SMARCA2: variants seen among roughly 807,000 people sequenced by gnomAD.
The protein encoded by SMARCA2 is SWI/SNF related BAF chromatin remodeling complex subunit ATPase 2.
SMARCA2 carries 61 observed loss-of-function variants against 199.8 expected under a neutral mutation model. The ratio of observed to expected loss-of-function variants is 0.31; its 90% CI spans 0.25 to 0.38. The LOEUF (loss-of-function observed/expected upper bound fraction) is 0.38, where lower values mean the gene tolerates loss of function less well. Among genes scored for constraint, SMARCA2 ranks in the 10% least tolerant of loss-of-function variants. SMARCA2 has a pLI of 1.00. For missense variants in SMARCA2, 1,344 were observed against 2,012.2 expected (o/e 0.67, Z 6.35); for synonymous variants, 935 against 732.0 (o/e 1.28, Z -4.48).
At chr9:2,141,851 C>T (rs1232392067) in intron 27 of SMARCA2, among the ~76,000 whole-genome samples, 1 of 152,172 alleles carries the variant, frequency 6.6e-6, no homozygotes, top group African/African-American at 2.4e-5. Flanking sequence ...GAGCTGATCT[C>T]CTGGCTTGTG....
rs1005406396 is a variant in SMARCA2, at chr9:2,115,341, A to G, written c.3457-481A>G. ...CTACCTGAGCAGTCAGTGTGTGTGT[A>G]TGTGTGTGTGTGGTAAGATGTATGT... On this transcript the variant is annotated intron_variant, in intron 24 of 33. Transcript: ENST00000349721. The surrounding 1 kb of genome is among the most constrained non-coding windows in gnomAD (Gnocchi z 6.0). Among the ~76,000 whole-genome samples, 3 of 151,982 alleles carry G rather than the reference A, an allele frequency of 2.0e-5. No homozygotes were observed. Among genetic ancestry groups the G allele is most frequent in the Non-Finnish European group, 2.9e-5 (2 of 67,966 alleles).
chr9:2,032,914 T>C, intron 2 of SMARCA2, 38 bp from the exon 3 acceptor site: 1 of 1,597,914 alleles, frequency 6.3e-7, no homozygotes, highest in Non-Finnish European at 8.6e-7. Flanking sequence ...TATTTTACCT[T>C]ATAGAGGTGT....
At chr9:2,191,201 A>G in intron 32 of SMARCA2, 65 bp from the exon 33 acceptor site, 1 of 1,498,096 alleles carries the variant, frequency 6.7e-7, no homozygotes. Context: ...TGATAGTCTT[A>G]CCACCTATAC....
At position 2,039,951 on chromosome 9, in the gene SMARCA2, CAA is replaced by C. The variant is rs762891039; in HGVS notation, c.790+53_790+54del. The C allele has an allele frequency of 2.5e-6, 4 of 1,596,614 alleles. No individual in the cohort carries two copies. Among genetic ancestry groups the C allele is most frequent in the Non-Finnish European group, 3.4e-6 (4 of 1,171,730 alleles). On this transcript the variant is annotated intron_variant, in intron 4 of 33. Coordinates refer to ENST00000349721, the MANE Select transcript of SMARCA2 (RefSeq NM_003070.5). This position sits in a 1 kb window ranked among gnomAD's most constrained non-coding sequence, Gnocchi z 4.8. ...TAATGCCATGGTCCAACTCGGATAA[CAA>C]AGACTGCTCACCAAAACACCGGGTT...
At chr9:2,132,162 G>A (rs1033950358) in intron 27 of SMARCA2, among the ~76,000 whole-genome samples, 1 of 152,098 alleles carries the variant, frequency 6.6e-6, no homozygotes, top group African/African-American at 2.4e-5. Context: ...CAAAAAACTG[G>A]GGAAAATACG....
In SMARCA2 at chr9:2,073,195, T is replaced by C; in HGVS notation, c.1747-17T>C. On this transcript the variant is annotated splice_polypyrimidine_tract_variant and intron_variant, in intron 10 of 33. Transcript: ENST00000349721. ...GTCTTAACATGAAACCGTGACATGA[T>C]TTTCCCTCCTTTGTAGCCCATAGAT... 1 of 1,613,782 alleles carries C rather than the reference T, an allele frequency of 6.2e-7. No individual in the cohort carries two copies. Among genetic ancestry groups the C allele is most frequent in the African/African-American group, 1.3e-5 (1 of 75,018 alleles).
At chr9:2,059,423 C>T (rs1820489256) in intron 8 of SMARCA2, among the ~76,000 whole-genome samples, 2 of 152,180 alleles carry the variant, frequency 1.3e-5, no homozygotes, top group Admixed American at 1.3e-4. Context: ...TCCTGCCTCC[C>T]TCTCCATACC....
intron 15 of SMARCA2, among the ~76,000 whole-genome samples, chr9:2,082,201 A>G (rs1459823690): frequency 6.6e-6 from 1 of 151,968 alleles, no homozygotes; most frequent in African/African-American, 2.4e-5. Context: ...TAAGCACGGG[A>G]CCGAGTGATT....
chr9:2,136,643 T>C (rs1487870305), intron 27 of SMARCA2, among the ~76,000 whole-genome samples: 1 of 152,082 alleles, frequency 6.6e-6, no homozygotes, highest in Non-Finnish European at 1.5e-5. Flanking sequence ...TTGGATTCCT[T>C]ACAGTCATGG....
At chr9:2,147,546 G>C (rs1424972104) in intron 27 of SMARCA2, among the ~76,000 whole-genome samples, 1 of 152,152 alleles carries the variant, frequency 6.6e-6, no homozygotes, top group African/African-American at 2.4e-5. Flanking sequence ...GTTTCACTTA[G>C]GATTTCCAGT....
intron 14 of SMARCA2, 72 bp downstream of exon 14, chr9:2,077,848 C>A: frequency 7.3e-7 from 1 of 1,369,980 alleles, no homozygotes; most frequent in Non-Finnish European, 1.0e-6. Flanking sequence ...GTATGTCGTG[C>A]ACATGTTGAC....
At chr9:2,052,365 A>C (rs958701494) in intron 5 of SMARCA2, among the ~76,000 whole-genome samples, 1 of 152,122 alleles carries the variant, frequency 6.6e-6, no homozygotes, top group African/African-American at 2.4e-5. Context: ...CCCCAGCTAC[A>C]TGGGAGGCTG....
chr9:2,046,390 T>G (rs1000264350), intron 4 of SMARCA2, among the ~76,000 whole-genome samples: 1 of 152,238 alleles, frequency 6.6e-6, no homozygotes, highest in Non-Finnish European at 1.5e-5. Flanking sequence ...TCTGGTAACA[T>G]GGGATAATGC....
chr9:2,148,484 T>TA (rs1299791003), intron 27 of SMARCA2, among the ~76,000 whole-genome samples: 2 of 151,240 alleles, frequency 1.3e-5, no homozygotes, highest in Non-Finnish European at 3.0e-5. Context: ...TTTTCTTTTT[T>TA]TTATTATTAT....
Position 2,161,066 on chromosome 9 carries a change from A to AGTGT in SMARCA2, c.3982-613_3982-610dup, listed in dbSNP as rs377205735. ...TGGAAAAAAGTGTTTATTGTTTGTG[A>AGTGT]GTGTGTGTGTTCTTTATCGAATGAT... On this transcript the variant is annotated intron_variant, in intron 27 of 33. Coordinates refer to ENST00000349721, the MANE Select transcript of SMARCA2 (RefSeq NM_003070.5). This position sits in a 1 kb window ranked among gnomAD's most constrained non-coding sequence, Gnocchi z 4.7. 6.3e-6 allele frequency: 1 copy of AGTGT among 158,944 alleles called. No homozygotes were observed. Among genetic ancestry groups the AGTGT allele is most frequent in the Non-Finnish European group, 1.4e-5 (1 of 72,278 alleles). The allele number at this position is 158,944 out of a possible 1,614,324, so 9.8% of individuals were successfully genotyped here.
At chr9:2,191,240 G>A (rs1413826705) in intron 32 of SMARCA2, 26 bp from the exon 33 acceptor site, 5 of 1,611,084 alleles carry the variant, frequency 3.1e-6, no homozygotes, top group African/African-American at 1.3e-5. Context: ...ACTCACTGGT[G>A]TCTATTTCAT....
intron 13 of SMARCA2, among the ~76,000 whole-genome samples, 194 bp from the exon 14 acceptor site, chr9:2,077,435 C>A (rs1170346042): frequency 6.6e-6 from 1 of 152,148 alleles, no homozygotes; most frequent in Non-Finnish European, 1.5e-5. Flanking sequence ...TGGGGATGAT[C>A]ATCATAACGC....
At chr9:2,156,516 G>C (rs1259143122) in intron 27 of SMARCA2, among the ~76,000 whole-genome samples, 1 of 138,708 alleles carries the variant, frequency 7.2e-6, no homozygotes, top group Admixed American at 8.2e-5. Context: ...TGCAACCTCA[G>C]CCTCCCGAGG....
At position 2,051,634 on chromosome 9, in the gene SMARCA2, AAG is replaced by A. The variant is rs140938616; in HGVS notation, c.1047-2958_1047-2957del. On this transcript the variant is annotated intron_variant, in intron 5 of 33. Transcript: ENST00000349721. ...ATTTGGCATCTGACCCACTTTGTCA[AAG>A]AGAGTAAATCAGAATACCAAGGGAT... 1.2e-3 allele frequency among the ~76,000 whole-genome samples: 176 copies of A among 152,350 alleles called. 1 individual carries two copies. The highest frequency in any genetic ancestry group is 4.0e-3 in the African/African-American group (165 of 41,578).
Sources: allele counts gnomAD v4.1 joint callset (sites outside exome capture counted in the v4.1 genomes callset), GRCh38; gene constraint gnomAD v4.1.1; non-coding constraint Gnocchi (gnomAD v3.1); transcripts MANE v1.5; gene names NCBI Gene and HGNC (gene_info 2026-07-23, HGNC 2026-07-21).